RBFOX1: variants seen among roughly 807,000 people sequenced by gnomAD.
RBFOX1 encodes the protein RNA binding fox-1 homolog 1.
In RBFOX1, 8 loss-of-function variants were observed where a neutral mutation model predicts 57.7. The observed-to-expected ratio is 0.14, with a 90% confidence interval of 0.08 to 0.25. The LOEUF (loss-of-function observed/expected upper bound fraction) is 0.25, where lower values mean the gene tolerates loss of function less well. RBFOX1 is among the 10% of genes least tolerant of loss of function. The pLI is 1.00. For synonymous variants in RBFOX1, 326 were observed against 222.4 expected (o/e 1.47, Z -4.15); for missense variants, 611 against 548.5 (o/e 1.11, Z -1.14).
In RBFOX1 at chr16:6,759,657, C is replaced by T. The variant is rs553137074; in HGVS notation, c.-16+105007C>T. On this transcript the variant is annotated intron_variant, in intron 3 of 15. Transcript: ENST00000550418. Reference sequence around the variant, plus strand: ...TTTATTTAGGTCTATTACTTGTTTTCACTTTCTCTTTGCCTTTTCTTAAAT... The same window carrying T: ...TTTATTTAGGTCTATTACTTGTTTTTACTTTCTCTTTGCCTTTTCTTAAAT... 3.3e-5 allele frequency among the ~76,000 whole-genome samples: 5 copies of T among 152,162 alleles called. No individual in the cohort carries two copies. In the South Asian group the frequency reaches 1.0e-3, roughly 32 times the overall value.
intron 1 of RBFOX1, among the ~76,000 whole-genome samples, chr16:6,020,248 C>A (rs1415379066): frequency 6.6e-6 from 1 of 152,012 alleles, no homozygotes; most frequent in Non-Finnish European, 1.5e-5. Context: ...CCCCAGAGCG[C>A]CCCTCCGAAG....
chr16:7,362,776 A>ATG (rs1303119267), intron 4 of RBFOX1, among the ~76,000 whole-genome samples: 5 of 151,860 alleles, frequency 3.3e-5, no homozygotes, highest in Admixed American at 1.3e-4. Flanking sequence ...CTGTGCGTAT[A>ATG]TGTGTGTGTG....
At chr16:5,444,476 A>G (rs1423095248) in intron 1 of RBFOX1, among the ~76,000 whole-genome samples, 2 of 152,194 alleles carry the variant, frequency 1.3e-5, no homozygotes, top group South Asian at 4.1e-4. Flanking sequence ...ATGTGGCAGA[A>G]ACAATTTTCT....
intron 4 of RBFOX1, among the ~76,000 whole-genome samples, chr16:7,505,897 AT>A: frequency 6.6e-6 from 1 of 152,228 alleles, no homozygotes; most frequent in African/African-American, 2.4e-5. Context: ...TCAAGAGATA[AT>A]TTTCTGGCCA....
At chr16:7,172,061 AT>A (rs142314858) in intron 4 of RBFOX1, among the ~76,000 whole-genome samples, 24,081 of 152,098 alleles carry the variant, frequency 0.16, 2,553 homozygotes, top group East Asian at 0.39. Context: ...ATATTGGGCA[AT>A]TTAGAAAAAA....
chr16:7,319,890 T>G (rs73561860), intron 4 of RBFOX1, among the ~76,000 whole-genome samples: 4,619 of 152,228 alleles, frequency 0.03, 148 homozygotes, highest in African/African-American at 0.084. Context: ...TACCATGGAC[T>G]TGTTAAAAGA....
At chr16:5,747,932 G>T (rs1457204316) in intron 3 of RBFOX1, among the ~76,000 whole-genome samples, 2 of 151,960 alleles carry the variant, frequency 1.3e-5, no homozygotes, top group Non-Finnish European at 2.9e-5. Flanking sequence ...GAATGTGTTT[G>T]CTCTTGCTTC....
At chr16:5,856,896 C>G (rs951355984) in intron 3 of RBFOX1, among the ~76,000 whole-genome samples, 3 of 152,000 alleles carry the variant, frequency 2.0e-5, no homozygotes, top group Non-Finnish European at 4.4e-5. Context: ...GTTTCACTTT[C>G]TTATCATTCC....
chr16:5,888,128 C>G (rs1243725444), intron 4 of RBFOX1, among the ~76,000 whole-genome samples: 2 of 152,170 alleles, frequency 1.3e-5, no homozygotes, highest in Admixed American at 1.3e-4. Flanking sequence ...CTTGCTCATT[C>G]CCCAGCTTTG....
chr16:6,847,558 T>G (rs1299947423), intron 3 of RBFOX1, among the ~76,000 whole-genome samples: 2 of 151,526 alleles, frequency 1.3e-5, no homozygotes, highest in Non-Finnish European at 2.9e-5. Context: ...TGTAGGGAAG[T>G]GTGGTCCATG....
intron 4 of RBFOX1, among the ~76,000 whole-genome samples, chr16:7,217,477 G>A (rs555112757): frequency 2.0e-5 from 3 of 151,724 alleles, no homozygotes; most frequent in Non-Finnish European, 4.4e-5. Flanking sequence ...GTGAATATTT[G>A]GAAGCTTTGT....
intron 3 of RBFOX1, among the ~76,000 whole-genome samples, chr16:7,036,379 C>T (rs1263078135): frequency 2.0e-5 from 3 of 152,212 alleles, no homozygotes; most frequent in Admixed American, 6.5e-5. Flanking sequence ...GGTCCCAATG[C>T]AGATCCCCAG....
intron 2 of RBFOX1, among the ~76,000 whole-genome samples, chr16:5,542,955 G>C (rs2045024207): frequency 6.6e-6 from 1 of 152,146 alleles, no homozygotes; most frequent in Admixed American, 6.5e-5. Context: ...TGAGAATAGT[G>C]CCAACTTCCA....
intron 1 of RBFOX1, among the ~76,000 whole-genome samples, chr16:6,286,175 G>A (rs2076889943): frequency 6.6e-6 from 1 of 152,072 alleles, no homozygotes. Flanking sequence ...GGGAGAGCTC[G>A]ACTGACATGA....
At chr16:7,378,698 T>C (rs1165789405) in intron 4 of RBFOX1, among the ~76,000 whole-genome samples, 1 of 152,158 alleles carries the variant, frequency 6.6e-6, no homozygotes, top group Non-Finnish European at 1.5e-5. Flanking sequence ...GGCACTTCCT[T>C]TTTCCCTGCA....
chr16:7,251,487 TGCA>T (rs1423714306), intron 4 of RBFOX1, among the ~76,000 whole-genome samples: 1 of 148,728 alleles, frequency 6.7e-6, no homozygotes, highest in African/African-American at 2.5e-5. Context: ...CTTGGCTCAC[TGCA>T]ACCTCTGCCT....
chr16:7,337,022 A>G (rs1031723518), intron 4 of RBFOX1, among the ~76,000 whole-genome samples: 4 of 152,196 alleles, frequency 2.6e-5, no homozygotes, highest in Non-Finnish European at 5.9e-5. Context: ...TAACTTTCTG[A>G]AAAAGCCCCC....
intron 2 of RBFOX1, among the ~76,000 whole-genome samples, chr16:6,538,769 C>T (rs912828089): frequency 1.3e-5 from 2 of 152,144 alleles, no homozygotes; most frequent in Non-Finnish European, 2.9e-5. Context: ...TGTTTTTTTT[C>T]ATGGCTTCTT....
At chr16:5,845,543 C>T (rs1281348994) in intron 3 of RBFOX1, among the ~76,000 whole-genome samples, 5 of 152,200 alleles carry the variant, frequency 3.3e-5, no homozygotes, top group South Asian at 2.1e-4. Context: ...TTACCTGCAC[C>T]TTGGTCCAGG....
Sources: allele counts gnomAD v4.1 joint callset (sites outside exome capture counted in the v4.1 genomes callset), GRCh38; gene constraint gnomAD v4.1.1; transcripts MANE v1.5; gene names NCBI Gene and HGNC (gene_info 2026-07-23, HGNC 2026-07-21).